Variants in PCDHA10 observed in about 807,000 individuals in gnomAD.
PCDHA10 encodes protocadherin alpha-10.
A neutral mutation model predicts 61.2 loss-of-function variants in PCDHA10; 45 were observed. The observed-to-expected ratio is 0.74, with a 90% CI of 0.58 to 0.94. The LOEUF (loss-of-function observed/expected upper bound fraction) is 0.94, where lower values mean the gene tolerates loss of function less well. Among genes scored for constraint, PCDHA10 ranks in the 40% least tolerant of loss-of-function variants. PCDHA10 has a pLI of 0.00. For missense variants in PCDHA10, 1,278 were observed against 1,236.2 expected (o/e 1.03, Z -0.51); for synonymous variants, 602 against 548.8 (o/e 1.10, Z -1.35).
At chr5:140,941,347 T>G (rs246069) in intron 1 of PCDHA10, among the ~76,000 whole-genome samples, 2 of 130,422 alleles carry the variant, frequency 1.5e-5, no homozygotes, top group African/African-American at 5.9e-5. Context: ...GATGGAGTCT[T>G]GCTCTGTTGC....
intron 1 of PCDHA10, among the ~76,000 whole-genome samples, chr5:140,896,345 C>T (rs113477424): frequency 0.12 from 18,881 of 152,098 alleles, 1,242 homozygotes; most frequent in Middle Eastern, 0.19. Flanking sequence ...TTTATATTCC[C>T]GCCAGCAGTG....
intron 3 of PCDHA10, among the ~76,000 whole-genome samples, chr5:141,002,081 G>T (rs1016567220): frequency 3.3e-5 from 5 of 152,220 alleles, no homozygotes; most frequent in South Asian, 2.1e-4. Flanking sequence ...GCCAAAGAAC[G>T]AGCAGTCCAG....
At chr5:140,899,228 T>G (rs1194169721) in intron 1 of PCDHA10, among the ~76,000 whole-genome samples, 1 of 152,126 alleles carries the variant, frequency 6.6e-6, no homozygotes, top group Non-Finnish European at 1.5e-5. Context: ...CAACACTATG[T>G]TGAATAGGAG....
intron 1 of PCDHA10, among the ~76,000 whole-genome samples, chr5:140,913,292 T>G (rs1252467748): frequency 6.6e-6 from 1 of 152,184 alleles, no homozygotes; most frequent in African/African-American, 2.4e-5. Flanking sequence ...AGGTTTTAAT[T>G]TCTTCATAGA....
Position 141,010,368 on chromosome 5 carries a change from C to A in PCDHA10, c.*431C>A. On this transcript the variant is annotated 3_prime_UTR_variant, in exon 4 of 4. Transcript: ENST00000307360. ...GGTATGTGTGGCTACCGCGGGTATG[C>A]GAGTGCCAGATATTGGCTGAGACGA... 2 of 1,471,050 alleles carry A rather than the reference C, an allele frequency of 1.4e-6. No homozygotes were observed. Among genetic ancestry groups the A allele is most frequent in the Non-Finnish European group, 1.8e-6 (2 of 1,106,904 alleles). The allele number at this position is 1,471,050 out of a possible 1,614,324, so 91.1% of individuals were successfully genotyped here. A position where few individuals can be genotyped will look rare whatever the true frequency, so the allele number is the denominator to read the frequency against.
chr5:141,000,417 ATATATTTTTT>A (rs2097924181), intron 3 of PCDHA10, among the ~76,000 whole-genome samples: 1 of 77,748 alleles, frequency 1.3e-5, no homozygotes, highest in Non-Finnish European at 2.3e-5. Context: ...ATATATATAT[ATATATTTTTT>A]TTTTTTTTTT....
chr5:140,948,016 C>CTTTTT (rs72028473), intron 1 of PCDHA10, among the ~76,000 whole-genome samples: 13 of 30,044 alleles, frequency 4.3e-4, no homozygotes, highest in Non-Finnish European at 6.9e-4. Context: ...AGGAAGTACC[C>CTTTTT]TTTCTGGTTT....
chr5:140,864,629 A>G (rs2048549336), intron 1 of PCDHA10: 1 of 152,244 alleles, frequency 6.6e-6, no homozygotes, highest in Non-Finnish European at 1.5e-5. Context: ...TAAAAAGAAA[A>G]CAAAACAAAA....
chr5:140,871,316 T>C, intron 1 of PCDHA10: 1 of 1,614,034 alleles, frequency 6.2e-7, no homozygotes, highest in South Asian at 1.1e-5. Context: ...AAGCCCACGC[T>C]GGTGTGCTCC....
intron 1 of PCDHA10, among the ~76,000 whole-genome samples, chr5:140,913,386 T>C (rs1317540233): frequency 6.6e-6 from 1 of 152,228 alleles, no homozygotes; most frequent in Non-Finnish European, 1.5e-5. Context: ...TGGCTCATCA[T>C]AGCCACTAAT....
chr5:140,882,052 C>A (rs2058925535), intron 1 of PCDHA10: 5 of 766,334 alleles, frequency 6.5e-6, no homozygotes, highest in Admixed American at 3.1e-5. Context: ...GTCATACTTA[C>A]ACTTACACGT....
chr5:140,931,914 A>G (rs1374173998), intron 1 of PCDHA10, among the ~76,000 whole-genome samples: 2 of 151,960 alleles, frequency 1.3e-5, no homozygotes, highest in Non-Finnish European at 2.9e-5. Context: ...AAAGCATGAC[A>G]TTTAACAATG....
At chr5:140,902,038 A>G (rs900077287) in intron 1 of PCDHA10, among the ~76,000 whole-genome samples, 13 of 152,040 alleles carry the variant, frequency 8.6e-5, no homozygotes, top group African/African-American at 2.9e-4. Context: ...TAATTTTTGT[A>G]TGTTGATTTT....
chr5:140,965,401 A>G (rs546046699), intron 1 of PCDHA10, among the ~76,000 whole-genome samples: 2 of 152,284 alleles, frequency 1.3e-5, no homozygotes, highest in African/African-American at 4.8e-5. Flanking sequence ...AAGTCTAAGG[A>G]GTCTTATATT....
rs782329809 is a variant in PCDHA10 at position 140,857,982 on chromosome 5, G to A, written c.1934G>A (p.Arg645His). 7 of 1,596,582 alleles carry A rather than the reference G, an allele frequency of 4.4e-6. 1 individual carries two copies. In the Admixed American group the frequency reaches 5.1e-5, roughly 12 times the overall value. ...GATGAGACTGACTCGCCACGCCAGC[G>A]CCTACTGGTGCTGGTGAAGGACCAT... ...ALDETDSPRQ[R>H]LLVLVKDHGE... The change falls in exon 1 of 4, where the codon CGC becomes CAC. Residue 645 changes from arginine to histidine, a missense_variant. Coordinates refer to ENST00000307360, the MANE Select transcript of PCDHA10 (RefSeq NM_018901.4).
At chr5:140,869,532 G>A (rs917843661) in intron 1 of PCDHA10, 3 of 1,614,130 alleles carry the variant, frequency 1.9e-6, no homozygotes, top group Non-Finnish European at 1.7e-6. Flanking sequence ...TGCTGATTGC[G>A]GAATCTAAGC....
At position 140,990,592 on chromosome 5, in the gene PCDHA10, C is replaced by T. The variant is rs150978794; in HGVS notation, c.2536+8029C>T. On this transcript the variant is annotated intron_variant, in intron 3 of 3. Coordinates refer to ENST00000307360, the MANE Select transcript of PCDHA10 (RefSeq NM_018901.4). ...GTTCGATCTCTTTTCCTATAATCAC[C>T]TGGAGTCAGATGAATACCGTAAAGG... 2.7e-3 allele frequency among the ~76,000 whole-genome samples: 412 copies of T among 152,286 alleles called. 2 individuals are homozygous for T. Among genetic ancestry groups the T allele is most frequent in the African/African-American group, 9.5e-3 (395 of 41,556 alleles).
At chr5:140,937,291 C>T (rs940890612) in intron 1 of PCDHA10, among the ~76,000 whole-genome samples, 1 of 152,104 alleles carries the variant, frequency 6.6e-6, no homozygotes, top group African/African-American at 2.4e-5. Flanking sequence ...CCCGCTTCGG[C>T]CTCCCAAAGT....
intron 1 of PCDHA10, chr5:140,867,950 C>G (rs2050209580): frequency 1.3e-5 from 2 of 152,002 alleles, no homozygotes; most frequent in Non-Finnish European, 2.9e-5. Context: ...ACTTCTGCTC[C>G]CAAACCCAAA....
Sources: gnomAD v4.1 joint callset for allele counts (sites outside exome capture counted in the v4.1 genomes callset) on GRCh38, gnomAD v4.1.1 for gene constraint, MANE v1.5 for transcripts, NCBI Gene and HGNC (gene_info 2026-07-23, HGNC 2026-07-21) for gene names.